The following GLB1L3 variants were observed in gnomAD, a reference collection of about 807,000 sequenced individuals.
GLB1L3 encodes the protein galactosidase beta 1 like 3.
Under a neutral mutation model 89.5 loss-of-function variants are expected in GLB1L3, and 89 were observed. The observed-to-expected ratio is 0.99, with a 90% CI of 0.84 to 1.19. The LOEUF (loss-of-function observed/expected upper bound fraction) is 1.19, where lower values mean the gene tolerates loss of function less well. Ranked by LOEUF, GLB1L3 falls within the 50% of genes most tolerant of loss-of-function variation. The probability of loss-of-function intolerance (pLI) is 0.00; values close to 1 mark genes in which losing one functional copy is unlikely to be tolerated. For missense variants in GLB1L3, 812 were observed against 813.3 expected, an observed-to-expected ratio of 1.00 and a Z score of 0.02; for synonymous variants, 314 against 312.3, an observed-to-expected ratio of 1.01 and a Z score of -0.06.
chr11:134,290,512 G>T (rs1358978757), intron 7 of GLB1L3, among the ~76,000 whole-genome samples: 1 of 149,786 alleles, frequency 6.7e-6, no homozygotes, highest in Non-Finnish European at 1.5e-5. Context: ...GATGGAGGTT[G>T]CAGTGAGCCG....
intron 10 of GLB1L3, among the ~76,000 whole-genome samples, chr11:134,308,676 A>ACAC (rs1555080638): frequency 7.7e-5 from 9 of 116,200 alleles, no homozygotes; most frequent in African/African-American, 1.5e-4. Flanking sequence ...ACCACCACCA[A>ACAC]CACCACCACC....
intron 18 of GLB1L3, among the ~76,000 whole-genome samples, chr11:134,315,083 A>T (rs565066325): frequency 1.3e-5 from 2 of 152,316 alleles, no homozygotes; most frequent in Admixed American, 6.5e-5. Context: ...ATGTAAATGG[A>T]ATCATACAGG....
At chr11:134,315,593 T>C (rs1942944498) in intron 18 of GLB1L3, among the ~76,000 whole-genome samples, 1 of 152,228 alleles carries the variant, frequency 6.6e-6, no homozygotes, top group Non-Finnish European at 1.5e-5. Context: ...TTCAAATATA[T>C]TGCCTTTAAA....
intron 10 of GLB1L3, 95 bp downstream of exon 10, chr11:134,307,303 C>A: frequency 2.2e-6 from 2 of 908,890 alleles, no homozygotes; most frequent in South Asian, 3.1e-5. Flanking sequence ...TTCACTTGAT[C>A]AGCCGTAGAT....
intron 11 of GLB1L3, chr11:134,310,077 CG>C (rs1942648466): frequency 6.9e-6 from 3 of 432,106 alleles, no homozygotes; most frequent in Non-Finnish European, 1.3e-5. Flanking sequence ...CCTGCACGGC[CG>C]GGCGATACAG....
At chr11:134,320,406 T>G (rs1943150885), downstream of GLB1L3, among the ~76,000 whole-genome samples, 1 of 152,150 alleles carries the variant, frequency 6.6e-6, no homozygotes, top group African/African-American at 2.4e-5. Flanking sequence ...GAAACTGCAA[T>G]GTAAAGGAGG....
chr11:134,323,120 TG>T (rs1193373633), downstream of GLB1L3, among the ~76,000 whole-genome samples: 6 of 152,360 alleles, frequency 3.9e-5, no homozygotes, highest in Non-Finnish European at 5.9e-5. Flanking sequence ...CTAGTGAGTA[TG>T]AAATGTTATC....
chr11:134,289,073 A>T (rs1565395689), intron 7 of GLB1L3, 183 bp downstream of exon 7: 2 of 507,798 alleles, frequency 3.9e-6, no homozygotes, highest in Non-Finnish European at 7.0e-6. Context: ...ATAACTTTTG[A>T]CTCCCTCAAA....
rs187817990 is a variant in GLB1L3 at position 134,277,518 on chromosome 11, A to G, written c.149+67A>G. ...TCTCTCCTTTCTTGGAGAAAATAGT[A>G]TCGCGAATATGCACAGAACACGTCC... is the stretch of plus-strand genomic sequence containing the variant. On this transcript the variant is annotated intron_variant, in intron 2 of 19. Coordinates refer to ENST00000431683, the MANE Select transcript of GLB1L3 (RefSeq NM_001080407.3). The G allele has an allele frequency of 1.7e-4, 263 of 1,585,210 alleles. 1 individual carries two copies. The East Asian group carries it at 5.2e-3, about 31-fold the overall frequency.
chr11:134,307,076 C>CT, intron 9 of GLB1L3, 48 bp from the exon 10 acceptor site: 1 of 1,438,928 alleles, frequency 6.9e-7, no homozygotes, highest in Non-Finnish European at 9.7e-7. Context: ...TCTGATTTTT[C>CT]TTTTTTGTTT....
At chr11:134,308,578 C>T (rs1186102551) in intron 10 of GLB1L3, among the ~76,000 whole-genome samples, 5 of 146,162 alleles carry the variant, frequency 3.4e-5, no homozygotes, top group Admixed American at 1.4e-4. Flanking sequence ...CCACCATCAC[C>T]ATCACCATCA....
chr11:134,300,991 T>C (rs890497533), intron 9 of GLB1L3, among the ~76,000 whole-genome samples: 1 of 152,194 alleles, frequency 6.6e-6, no homozygotes, highest in Non-Finnish European at 1.5e-5. Context: ...GAACAGCTGG[T>C]AGACTTGGGG....
At position 134,276,557 on chromosome 11, in the gene GLB1L3, TCCTTGGGACCCGGACCCGGCGCCCGCG is replaced by T. The variant is rs2136096427; in HGVS notation, c.-180_-154del. The stretch of plus-strand genomic sequence containing the variant: ...CCCGCGGGAGGGAGCCCGACGCGCA[TCCTTGGGACCCGGACCCGGCGCCCGCG>T]CCTCGGGACGGATTTCTGCCTCGGC... On this transcript the variant is annotated 5_prime_UTR_variant, in exon 1 of 20. Coordinates refer to ENST00000431683, the MANE Select transcript of GLB1L3 (RefSeq NM_001080407.3). 1 of 458,012 alleles carries T rather than the reference TCCTTGGGACCCGGACCCGGCGCCCGCG, an allele frequency of 2.2e-6. No homozygotes were observed. Among genetic ancestry groups the T allele is most frequent in the East Asian group, 3.8e-5 (1 of 26,370 alleles). The allele number at this position is 458,012 out of a possible 1,614,324, so 28.4% of individuals were successfully genotyped here. A position where few individuals can be genotyped will look rare whatever the true frequency, so the allele number is the denominator to read the frequency against.
intron 9 of GLB1L3, among the ~76,000 whole-genome samples, chr11:134,306,021 AAG>A (rs1942190866): frequency 6.6e-6 from 1 of 152,146 alleles, no homozygotes; most frequent in Non-Finnish European, 1.5e-5. Context: ...AGAGTGGACA[AAG>A]AGCATGGAGG....
intron 1 of GLB1L3, chr11:134,277,017 G>T (rs1369260400): frequency 1.2e-5 from 7 of 563,646 alleles, no homozygotes; most frequent in Non-Finnish European, 1.9e-5. Context: ...GCTGGGCACC[G>T]TGTCCTTCCC....
chr11:134,310,070 G>A, intron 11 of GLB1L3: 1 of 447,504 alleles, frequency 2.2e-6, no homozygotes, highest in Admixed American at 3.5e-5. Flanking sequence ...GCACAGACCT[G>A]CACGGCCGGG....
At chr11:134,312,775 C>G (rs371736398) in intron 14 of GLB1L3, 41 bp from the exon 15 acceptor site, 1 of 1,528,254 alleles carries the variant, frequency 6.5e-7, no homozygotes, top group African/African-American at 1.4e-5. Context: ...TCCCTTTCTT[C>G]GGGTGGGCCT....
chr11:134,311,368 A>AG (rs1942727466), intron 13 of GLB1L3, 198 bp downstream of exon 13: 8 of 565,550 alleles, frequency 1.4e-5, no homozygotes, highest in Non-Finnish European at 2.5e-5. Context: ...TGTGCAGGGG[A>AG]GGGGCAGCAG....
At chr11:134,288,678 C>G (rs373438501) in intron 6 of GLB1L3, 120 bp from the exon 7 acceptor site, 8 of 655,986 alleles carry the variant, frequency 1.2e-5, no homozygotes, top group East Asian at 1.1e-4. Context: ...GTGCAGACCA[C>G]AGGGGCCGTG....
Sources: gnomAD v4.1 joint callset for allele counts (sites outside exome capture counted in the v4.1 genomes callset) on GRCh38, gnomAD v4.1.1 for gene constraint, MANE v1.5 for transcripts, NCBI Gene and HGNC (gene_info 2026-07-23, HGNC 2026-07-21) for gene names.